LGR4: variants seen among roughly 807,000 people sequenced by gnomAD.
LGR4 encodes leucine-rich repeat-containing G protein-coupled receptor 4.
A neutral mutation model predicts 84.8 loss-of-function variants in LGR4; 44 were observed. The ratio of observed to expected loss-of-function variants is 0.52; its 90% confidence interval spans 0.41 to 0.67. LGR4 has a LOEUF of 0.67. Ranked by LOEUF, LGR4 falls within the 30% of genes least tolerant of loss-of-function variation. The pLI, the probability that LGR4 is intolerant of heterozygous loss-of-function variation, is 0.00. For missense variants in LGR4, 1,032 were observed against 1,131.4 expected, an observed-to-expected ratio of 0.91 and a Z score of 1.26; for synonymous variants, 429 against 434.3, an observed-to-expected ratio of 0.99 and a Z score of 0.15.
At chr11:27,466,649 G>C (rs1274904169) in intron 1 of LGR4, among the ~76,000 whole-genome samples, 2 of 152,198 alleles carry the variant, frequency 1.3e-5, no homozygotes, top group African/African-American at 2.4e-5. Flanking sequence ...CTAATGTTAA[G>C]AGCCAAGGGC....
At chr11:27,471,550 C>T (rs2133467637) in intron 1 of LGR4, among the ~76,000 whole-genome samples, 1 of 152,350 alleles carries the variant, frequency 6.6e-6, no homozygotes, top group South Asian at 2.1e-4. Flanking sequence ...GGTGCCGGGA[C>T]GCACTACCTG....
chr11:27,466,569 G>C (rs1321014645), intron 1 of LGR4, among the ~76,000 whole-genome samples: 1 of 152,182 alleles, frequency 6.6e-6, no homozygotes, highest in Non-Finnish European at 1.5e-5. Context: ...AAACTTGCCT[G>C]GATCTACCTA....
chr11:27,433,634 T>C (rs745582062), intron 1 of LGR4, among the ~76,000 whole-genome samples: 4 of 152,196 alleles, frequency 2.6e-5, no homozygotes, highest in Non-Finnish European at 5.9e-5. Context: ...TATTATCATG[T>C]AAGCGGCTGG....
chr11:27,436,874 C>T (rs1864220420), intron 1 of LGR4, among the ~76,000 whole-genome samples: 1 of 151,966 alleles, frequency 6.6e-6, no homozygotes, highest in Admixed American at 6.6e-5. Context: ...AGGCCCTTAG[C>T]TATACCAGTC....
chr11:27,423,863 G>A (rs1286169872), intron 1 of LGR4, among the ~76,000 whole-genome samples: 1 of 152,108 alleles, frequency 6.6e-6, no homozygotes, highest in South Asian at 2.1e-4. Flanking sequence ...GAATCATATG[G>A]TCCCTTGTTT....
intron 17 of LGR4, among the ~76,000 whole-genome samples, chr11:27,369,417 A>C (rs1862840547): frequency 6.6e-6 from 1 of 152,124 alleles, no homozygotes; most frequent in East Asian, 1.9e-4. Context: ...ATTTAGATGA[A>C]ATTTTTCATT....
At position 27,472,710 on chromosome 11, in the gene LGR4, A is replaced by C; in HGVS notation, c.-408T>G. On this transcript the variant is annotated 5_prime_UTR_variant, in exon 1 of 18. Transcript: ENST00000379214. ...CAGCCCCCGCCGTGGCTCTCGCACA[A>C]ACACCCAGACTCTGGCTCGCTGTCT... The C allele has an allele frequency of 2.8e-6, 1 of 361,038 alleles. No homozygotes were observed. The highest frequency in any genetic ancestry group is 4.9e-6 in the Non-Finnish European group (1 of 202,474). The allele number at this position is 361,038 out of a possible 1,614,324, so 22.4% of individuals were successfully genotyped here. A position where few individuals can be genotyped will look rare whatever the true frequency, so the allele number is the denominator to read the frequency against.
At chr11:27,459,007 A>C (rs1044159793) in intron 1 of LGR4, among the ~76,000 whole-genome samples, 1 of 152,216 alleles carries the variant, frequency 6.6e-6, no homozygotes, top group Non-Finnish European at 1.5e-5. Flanking sequence ...TAAAAATTTA[A>C]CCTTAAATGA....
intron 5 of LGR4, among the ~76,000 whole-genome samples, 171 bp from the exon 6 acceptor site, chr11:27,384,578 T>C (rs1489123868): frequency 6.6e-6 from 1 of 152,196 alleles, no homozygotes; most frequent in Non-Finnish European, 1.5e-5. Flanking sequence ...CATTGGATAG[T>C]TATCTCTTGC....
chr11:27,373,914 CAG>C, intron 14 of LGR4, 59 bp downstream of exon 14: 1 of 1,196,688 alleles, frequency 8.4e-7, no homozygotes, highest in Non-Finnish European at 1.2e-6. Context: ...AATGTTAAAA[CAG>C]ATGTTTCTAT....
At chr11:27,393,339 A>C (rs752924239) in intron 2 of LGR4, among the ~76,000 whole-genome samples, 1 of 152,136 alleles carries the variant, frequency 6.6e-6, no homozygotes, top group African/African-American at 2.4e-5. Context: ...ATGTGTACTC[A>C]AAAATGATGA....
At chr11:27,415,915 G>A (rs1486432085) in intron 1 of LGR4, among the ~76,000 whole-genome samples, 1 of 152,070 alleles carries the variant, frequency 6.6e-6, no homozygotes, top group Non-Finnish European at 1.5e-5. Context: ...AAGAGAATCT[G>A]AAGTACACAG....
At chr11:27,457,845 T>C (rs893118625) in intron 1 of LGR4, among the ~76,000 whole-genome samples, 1 of 152,094 alleles carries the variant, frequency 6.6e-6, no homozygotes, top group Non-Finnish European at 1.5e-5. Context: ...AAATGAGTAC[T>C]GGCCAGGCAC....
chr11:27,442,930 T>G (rs1590397601), intron 1 of LGR4, among the ~76,000 whole-genome samples: 2 of 152,178 alleles, frequency 1.3e-5, no homozygotes, highest in Non-Finnish European at 2.9e-5. Flanking sequence ...TAAAGGAAGT[T>G]AGTATTCATC....
intron 1 of LGR4, among the ~76,000 whole-genome samples, chr11:27,442,112 G>A (rs1864314799): frequency 6.6e-6 from 1 of 152,176 alleles, no homozygotes; most frequent in Non-Finnish European, 1.5e-5. Flanking sequence ...CAGTTCTTCA[G>A]AGAAGAGCTA....
In LGR4 at chr11:27,367,984, A is replaced by T; in HGVS notation, c.2739T>A (p.Asp913Glu). Residue 913 changes from aspartate to glutamate, a missense_variant, in exon 18 of 18, where the codon GAT becomes GAA. Physicochemically the swap from Asp to Glu is conservative, Grantham distance 45 (BLOSUM62 2). Transcript: ENST00000379214. ...SAHSDYADEE[D>E]SFVSDSSDQV... ...GGTCAGAACTGTCTGAGACAAAGGA[A>T]TCTTCTTCATCTGCATAATCAGAGT... The T allele has an allele frequency of 1.9e-6, 3 of 1,614,040 alleles. No individual in the cohort carries two copies. The highest frequency in any genetic ancestry group is 1.7e-6 in the Non-Finnish European group (2 of 1,179,882).
rs755269708 is a variant in LGR4, at chr11:27,368,315, A to G, written c.2408T>C (p.Phe803Ser). 2.2e-5 allele frequency: 35 copies of G among 1,614,100 alleles called. No homozygotes were observed. In the East Asian group the frequency reaches 7.1e-4, roughly 33 times the overall value. The change falls in exon 18 of 18, where the codon TTC becomes TCC. Residue 803 changes from phenylalanine to serine, a missense_variant. Transcript: ENST00000379214. ...GTCTTCTTTAAACTTTGGGTTGAAGAAAACATACAGGACTGGATTCAGGCA... is the reference window on the plus strand; with the variant it reads ...GTCTTCTTTAAACTTTGGGTTGAAGGAAACATACAGGACTGGATTCAGGCA... ...PACLNPVLYV[F>S]FNPKFKEDWK...
chr11:27,398,308 T>C lies in LGR4; in HGVS notation c.258-5790A>G, dbSNP rs117995374. Among the ~76,000 whole-genome samples, 195 of 152,294 alleles carry C rather than the reference T, an allele frequency of 1.3e-3. 3 individuals carry two copies. In the East Asian group the frequency reaches 0.03, roughly 24 times the overall value. Reference sequence around the variant, plus strand: ...GGCCAAAGTTAACTCCTTCATGAAATGCACTGAGCGACACTAGAGTTTCTT... The same window carrying C: ...GGCCAAAGTTAACTCCTTCATGAAACGCACTGAGCGACACTAGAGTTTCTT... On this transcript the variant is annotated intron_variant, in intron 2 of 17. Transcript: ENST00000379214.
At chr11:27,446,523 A>G (rs1480967543) in intron 1 of LGR4, among the ~76,000 whole-genome samples, 4 of 152,204 alleles carry the variant, frequency 2.6e-5, no homozygotes, top group African/African-American at 9.6e-5. Flanking sequence ...ATCATTAAAA[A>G]GTCAGGAAAC....
Sources: gnomAD v4.1 joint callset for allele counts (sites outside exome capture counted in the v4.1 genomes callset) on GRCh38, gnomAD v4.1.1 for gene constraint, MANE v1.5 for transcripts, NCBI Gene and HGNC (gene_info 2026-07-23, HGNC 2026-07-21) for gene names.